The following ZHX2 variants were observed in gnomAD, a reference collection of about 807,000 sequenced individuals.
The protein encoded by ZHX2 is zinc fingers and homeoboxes protein 2.
ZHX2 carries 6 observed loss-of-function variants against 21.9 expected under a neutral mutation model. The observed-to-expected ratio is 0.27, with a 90% confidence interval of 0.15 to 0.54. The LOEUF is 0.54. Ranked by LOEUF, ZHX2 falls within the 20% of genes least tolerant of loss-of-function variation. The pLI is 0.95. For missense variants in ZHX2, 908 were observed against 1,090.7 expected (o/e 0.83, Z 2.36); for synonymous variants, 434 against 437.1 (o/e 0.99, Z 0.09).
chr8:122,797,781 A>G (rs76819745), intron 1 of ZHX2, among the ~76,000 whole-genome samples: 101 of 152,272 alleles, frequency 6.6e-4, no homozygotes, highest in African/African-American at 2.4e-3. Flanking sequence ...TACCATTACA[A>G]TTTGGTTTTA....
chr8:122,808,384 G>A (rs1447290052), intron 1 of ZHX2, among the ~76,000 whole-genome samples: 1 of 152,152 alleles, frequency 6.6e-6, no homozygotes, highest in African/African-American at 2.4e-5. Flanking sequence ...TGGGTGGAAG[G>A]GGAAGCAAAC....
intron 2 of ZHX2, among the ~76,000 whole-genome samples, chr8:122,879,753 T>C (rs1381291660): frequency 2.0e-5 from 3 of 152,126 alleles, no homozygotes; most frequent in African/African-American, 7.2e-5. Flanking sequence ...CTCTTAAGAC[T>C]GTGTTCAAAT....
intron 1 of ZHX2, among the ~76,000 whole-genome samples, chr8:122,826,726 T>G (rs903445404): frequency 1.3e-5 from 2 of 152,082 alleles, no homozygotes; most frequent in African/African-American, 4.8e-5. Flanking sequence ...GGTGGAAGCT[T>G]CTAGAATGTG....
chr8:122,881,450 A>G (rs556038281), intron 2 of ZHX2, among the ~76,000 whole-genome samples: 2 of 152,324 alleles, frequency 1.3e-5, no homozygotes, highest in Admixed American at 1.3e-4. Flanking sequence ...AAATGGGGAT[A>G]ATTGTATTTA....
chr8:122,844,467 A>T (rs573242652), intron 1 of ZHX2, among the ~76,000 whole-genome samples: 1 of 152,330 alleles, frequency 6.6e-6, no homozygotes, highest in East Asian at 1.9e-4. Flanking sequence ...TCATGGATAT[A>T]AAAGTATCCC....
At chr8:122,896,796 T>A (rs1432685649) in intron 2 of ZHX2, among the ~76,000 whole-genome samples, 2 of 152,210 alleles carry the variant, frequency 1.3e-5, no homozygotes, top group Non-Finnish European at 2.9e-5. Flanking sequence ...GGGAGCTTTG[T>A]AAATGTCTGA....
In ZHX2 at chr8:122,886,864, T is replaced by TTTGTA. The variant is rs1284280622; in HGVS notation, c.-220+23328_-220+23332dup. On this transcript the variant is annotated intron_variant, in intron 2 of 3. Transcript: ENST00000314393. ...TCCAAGCAGACAAATATTTGAGCCTTTTGTATTTGGTCCACACCACTGCCC... is the reference window on the plus strand; with the variant it reads ...TCCAAGCAGACAAATATTTGAGCCTTTTGTATTGTATTTGGTCCACACCACTGCCC... Among the ~76,000 whole-genome samples the TTTGTA allele has an allele frequency of 3.3e-5, 5 of 152,180 alleles. No individual in the cohort carries two copies. The East Asian group carries it at 9.7e-4, about 29-fold the overall frequency.
chr8:122,928,467 A>T (rs1478505660), intron 2 of ZHX2, among the ~76,000 whole-genome samples: 8 of 152,082 alleles, frequency 5.3e-5, no homozygotes, highest in Admixed American at 3.9e-4. Flanking sequence ...CCTTGGAATT[A>T]TGTCTTGGGA....
intron 2 of ZHX2, among the ~76,000 whole-genome samples, chr8:122,933,763 A>C (rs890157293): frequency 6.6e-6 from 1 of 152,230 alleles, no homozygotes; most frequent in Non-Finnish European, 1.5e-5. Flanking sequence ...ATACAAAGAC[A>C]ATTTCCTGAC....
chr8:122,959,489 C>T (rs1019489535), intron 3 of ZHX2, among the ~76,000 whole-genome samples: 6 of 152,100 alleles, frequency 3.9e-5, no homozygotes, highest in Admixed American at 1.3e-4. Context: ...AGACCCTTAC[C>T]GGCAGGGACC....
intron 1 of ZHX2, among the ~76,000 whole-genome samples, chr8:122,804,074 T>G (rs1817775844): frequency 6.6e-6 from 1 of 152,120 alleles, no homozygotes; most frequent in Non-Finnish European, 1.5e-5. Context: ...TTTGTAGGGA[T>G]TCTTTCATTT....
intron 1 of ZHX2, among the ~76,000 whole-genome samples, chr8:122,856,803 G>A (rs976954577): frequency 2.0e-5 from 3 of 152,128 alleles, no homozygotes; most frequent in African/African-American, 7.2e-5. Context: ...GCCCGGAGGT[G>A]AAAAGGACAC....
At chr8:122,879,788 G>C (rs1819661121) in intron 2 of ZHX2, among the ~76,000 whole-genome samples, 1 of 151,988 alleles carries the variant, frequency 6.6e-6, no homozygotes, top group South Asian at 2.1e-4. Flanking sequence ...CTGCCAACAT[G>C]TGGCCTTGGA....
intron 1 of ZHX2, among the ~76,000 whole-genome samples, chr8:122,787,870 T>C (rs1394287694): frequency 6.6e-6 from 1 of 152,136 alleles, no homozygotes; most frequent in Non-Finnish European, 1.5e-5. Context: ...AAGTCTAAGT[T>C]AAGGAGGAAG....
chr8:122,870,839 C>T (rs1279416307), intron 2 of ZHX2, among the ~76,000 whole-genome samples: 1 of 151,930 alleles, frequency 6.6e-6, no homozygotes, highest in Non-Finnish European at 1.5e-5. Context: ...TCCAGAGCAC[C>T]AATTCAGAGA....
chr8:122,905,837 G>C (rs760532852), intron 2 of ZHX2, among the ~76,000 whole-genome samples: 1 of 152,156 alleles, frequency 6.6e-6, no homozygotes, highest in Admixed American at 6.5e-5. Context: ...TTGAAAGTAA[G>C]GCAAAAACTG....
At chr8:122,804,846 C>T (rs1316347340) in intron 1 of ZHX2, among the ~76,000 whole-genome samples, 1 of 152,206 alleles carries the variant, frequency 6.6e-6, no homozygotes, top group Non-Finnish European at 1.5e-5. Flanking sequence ...AGCCTGTTTT[C>T]TTTCCAACAT....
chr8:122,858,620 C>CTTTT (rs370271822), intron 1 of ZHX2, among the ~76,000 whole-genome samples: 20 of 147,110 alleles, frequency 1.4e-4, no homozygotes, highest in African/African-American at 5.0e-4. Context: ...AGGTTAACTC[C>CTTTT]TTTTTTTTTC....
chr8:122,852,100 T>A (rs1274720661), intron 1 of ZHX2, among the ~76,000 whole-genome samples: 1 of 152,184 alleles, frequency 6.6e-6, no homozygotes, highest in Admixed American at 6.5e-5. Flanking sequence ...CATCGTTCAG[T>A]GACTGTCAGA....
Sources: gnomAD v4.1 joint callset for allele counts (sites outside exome capture counted in the v4.1 genomes callset) on GRCh38, gnomAD v4.1.1 for gene constraint, MANE v1.5 for transcripts, NCBI Gene and HGNC (gene_info 2026-07-23, HGNC 2026-07-21) for gene names.